The following KCNIP4 variants were observed in gnomAD, a reference collection of about 807,000 sequenced individuals.
KCNIP4 encodes Kv channel-interacting protein 4.
A neutral mutation model predicts 34.0 loss-of-function variants in KCNIP4; 12 were observed. The observed-to-expected ratio is 0.35, with a 90% CI of 0.23 to 0.57. The LOEUF is 0.57. KCNIP4 is among the 20% of genes least tolerant of loss of function. KCNIP4 has a pLI of 0.83. For missense variants in KCNIP4, 238 were observed against 311.7 expected (o/e 0.76, Z 1.78); for synonymous variants, 124 against 102.2 (o/e 1.21, Z -1.29).
intron 1 of KCNIP4, among the ~76,000 whole-genome samples, chr4:21,783,523 T>C (rs936037785): frequency 6.6e-6 from 1 of 152,126 alleles, no homozygotes; most frequent in Non-Finnish European, 1.5e-5. Context: ...AAAATTATTA[T>C]AAAACTGAGA....
chr4:20,839,263 G>A (rs1018686097), intron 3 of KCNIP4, among the ~76,000 whole-genome samples: 3 of 151,872 alleles, frequency 2.0e-5, no homozygotes, highest in Non-Finnish European at 2.9e-5. Context: ...TGCTTAGCAT[G>A]TACCCAAATT....
intron 4 of KCNIP4, 30 bp downstream of exon 4, chr4:20,758,791 G>T: frequency 6.5e-7 from 1 of 1,535,376 alleles, no homozygotes; most frequent in Non-Finnish European, 9.0e-7. Context: ...AACTCTGATA[G>T]TATGTTAACA....
chr4:21,859,146 TA>T (rs1375666749), intron 1 of KCNIP4, among the ~76,000 whole-genome samples: 4 of 152,252 alleles, frequency 2.6e-5, no homozygotes, highest in African/African-American at 9.6e-5. Context: ...CAAACATAAA[TA>T]AACAATCTTC....
chr4:21,464,588 T>G (rs780380056), intron 1 of KCNIP4: 1 of 152,154 alleles, frequency 6.6e-6, no homozygotes, highest in Non-Finnish European at 1.5e-5. Context: ...TTATTCAGAC[T>G]TGTTTTATGC....
At chr4:21,293,767 A>C (rs1763679489) in intron 1 of KCNIP4, among the ~76,000 whole-genome samples, 1 of 152,212 alleles carries the variant, frequency 6.6e-6, no homozygotes, top group African/African-American at 2.4e-5. Flanking sequence ...GAAAAGAATT[A>C]AAAAATCATA....
chr4:21,872,558 C>T (rs1013892536), intron 1 of KCNIP4, among the ~76,000 whole-genome samples: 4 of 152,068 alleles, frequency 2.6e-5, no homozygotes, highest in Admixed American at 2.6e-4. Context: ...TTTTATAATG[C>T]CTTAGAATAC....
At chr4:21,393,388 T>C (rs1470642670) in intron 1 of KCNIP4, among the ~76,000 whole-genome samples, 1 of 152,078 alleles carries the variant, frequency 6.6e-6, no homozygotes, top group South Asian at 2.1e-4. Context: ...GTGGGAAAAT[T>C]TGACAGTAGG....
At chr4:21,155,092 G>A (rs769781186) in intron 1 of KCNIP4, among the ~76,000 whole-genome samples, 5 of 152,120 alleles carry the variant, frequency 3.3e-5, no homozygotes, top group Admixed American at 6.6e-5. Context: ...ATATGCCTGT[G>A]AGTCCTAATT....
At chr4:21,823,622 A>G (rs1193529565) in intron 1 of KCNIP4, among the ~76,000 whole-genome samples, 1 of 152,106 alleles carries the variant, frequency 6.6e-6, no homozygotes, top group Non-Finnish European at 1.5e-5. Context: ...AAATCAGAAT[A>G]GGGTAAGGGA....
At chr4:21,637,444 T>C (rs1341282193) in intron 1 of KCNIP4, among the ~76,000 whole-genome samples, 1 of 152,054 alleles carries the variant, frequency 6.6e-6, no homozygotes, top group Non-Finnish European at 1.5e-5. Context: ...ATCTTCCTCA[T>C]AACTCTTCAA....
chr4:21,722,692 C>T (rs1290987665), intron 1 of KCNIP4, among the ~76,000 whole-genome samples: 1 of 152,100 alleles, frequency 6.6e-6, no homozygotes, highest in Non-Finnish European at 1.5e-5. Flanking sequence ...TACTGCCGTG[C>T]TAGAGGGAGC....
chr4:20,897,665 T>C (rs779036830), intron 1 of KCNIP4, among the ~76,000 whole-genome samples: 34 of 152,128 alleles, frequency 2.2e-4, no homozygotes, highest in Non-Finnish European at 2.9e-4. Context: ...AAGAGAAAGA[T>C]ATACTGTGAT....
chr4:21,366,027 C>T (rs1048040082), intron 1 of KCNIP4, among the ~76,000 whole-genome samples: 4 of 152,260 alleles, frequency 2.6e-5, no homozygotes, highest in African/African-American at 4.8e-5. Flanking sequence ...GAATGGTATG[C>T]TTGATGATCC....
chr4:20,743,342 A>C (rs1751626508), intron 5 of KCNIP4, among the ~76,000 whole-genome samples: 1 of 152,224 alleles, frequency 6.6e-6, no homozygotes, highest in Non-Finnish European at 1.5e-5. Context: ...ACAAAGCTGG[A>C]GACATCATGC....
intron 5 of KCNIP4, among the ~76,000 whole-genome samples, chr4:20,748,153 A>G (rs1391563205): frequency 2.0e-5 from 3 of 152,044 alleles, no homozygotes; most frequent in Non-Finnish European, 4.4e-5. Context: ...CTCATCTCCT[A>G]CAAGATAGTC....
Position 21,578,332 on chromosome 4 carries a change from C to CAAAAAAA in KCNIP4, c.61+370232_61+370238dup, listed in dbSNP as rs71191522. On this transcript the variant is annotated intron_variant, in intron 1 of 8. Transcript: ENST00000382152. ...TGGGTGACAGAGCGAGACTCCGTCT[C>CAAAAAAA]AAAAAAAAAAAAAAAAAAAAAAAAA... 3.2e-3 allele frequency among the ~76,000 whole-genome samples: 239 copies of CAAAAAAA among 75,108 alleles called. 20 individuals carry two copies. Among genetic ancestry groups the CAAAAAAA allele is most frequent in the African/African-American group, 0.011 (201 of 18,912 alleles). The allele number at this position is 75,108 out of a possible 152,430, so 49.3% of individuals were successfully genotyped here. A position where few individuals can be genotyped will look rare whatever the true frequency, so the allele number is the denominator to read the frequency against.
At chr4:21,244,142 G>A (rs1760037243) in intron 1 of KCNIP4, among the ~76,000 whole-genome samples, 1 of 152,018 alleles carries the variant, frequency 6.6e-6, no homozygotes, top group Non-Finnish European at 1.5e-5. Context: ...TACTTGTATT[G>A]ATATATAACA....
At chr4:20,801,474 A>G (rs575575696) in intron 3 of KCNIP4, among the ~76,000 whole-genome samples, 1 of 152,230 alleles carries the variant, frequency 6.6e-6, no homozygotes, top group South Asian at 2.1e-4. Context: ...CAAAATAACT[A>G]CAGCACTACA....
At chr4:21,166,852 T>A (rs1753660246) in intron 1 of KCNIP4, among the ~76,000 whole-genome samples, 2 of 143,560 alleles carry the variant, frequency 1.4e-5, no homozygotes, top group Admixed American at 1.5e-4. Flanking sequence ...GGCAAGAGAA[T>A]CGCTTGAACC....
Sources: gnomAD v4.1 joint callset for allele counts (sites outside exome capture counted in the v4.1 genomes callset) on GRCh38, gnomAD v4.1.1 for gene constraint, MANE v1.5 for transcripts, NCBI Gene and HGNC (gene_info 2026-07-23, HGNC 2026-07-21) for gene names.